KLF12: variants seen among roughly 807,000 people sequenced by gnomAD.
KLF12 encodes Krueppel-like factor 12.
Under a neutral mutation model 37.8 loss-of-function variants are expected in KLF12, and 9 were observed. That is an observed-to-expected ratio of 0.24 (90% CI 0.14 to 0.42). The LOEUF (loss-of-function observed/expected upper bound fraction) is 0.42. KLF12 is among the 10% of genes least tolerant of loss of function. The probability of loss-of-function intolerance (pLI) is 1.00; values close to 1 mark genes in which losing one functional copy is unlikely to be tolerated. For missense variants in KLF12, 411 were observed against 516.0 expected (o/e 0.80, Z 1.97); for synonymous variants, 208 against 202.1 (o/e 1.03, Z -0.25).
intron 3 of KLF12, among the ~76,000 whole-genome samples, chr13:73,923,711 TGA>T (rs1889232329): frequency 1.3e-5 from 2 of 152,208 alleles, no homozygotes; most frequent in South Asian, 4.1e-4. Context: ...CTGTTAAGCA[TGA>T]GAACCACCTG....
the KLF12 span, among the ~76,000 whole-genome samples, chr13:74,187,221 G>A: frequency 6.6e-6 from 1 of 152,130 alleles, no homozygotes; most frequent in African/African-American, 2.4e-5. Context: ...CCAAGTGGGA[G>A]GCAGAGGTGA....
At chr13:74,084,139 G>A (rs894290184) in intron 1 of KLF12, among the ~76,000 whole-genome samples, 3 of 152,144 alleles carry the variant, frequency 2.0e-5, no homozygotes, top group African/African-American at 7.2e-5. Flanking sequence ...TGGAGACTTG[G>A]ATATTACGTC....
intron 4 of KLF12, among the ~76,000 whole-genome samples, chr13:73,819,690 T>C (rs1434202422): frequency 1.3e-5 from 2 of 152,080 alleles, no homozygotes; most frequent in African/African-American, 4.8e-5. Flanking sequence ...GTAAGTGCCA[T>C]ATAGAAAAAT....
intron 1 of KLF12, among the ~76,000 whole-genome samples, chr13:74,037,511 G>C (rs1050298339): frequency 3.9e-5 from 6 of 152,162 alleles, no homozygotes; most frequent in African/African-American, 1.4e-4. Context: ...CATTGCGTAT[G>C]AGCCTGCAAA....
intron 5 of KLF12, among the ~76,000 whole-genome samples, chr13:73,767,367 A>T (rs79980703): frequency 0.035 from 5,281 of 152,324 alleles, 108 homozygotes; most frequent in Middle Eastern, 0.071. Flanking sequence ...GGAAGCTTGC[A>T]GGGAATGTTC....
At chr13:73,878,474 A>T (rs752902932) in intron 3 of KLF12, among the ~76,000 whole-genome samples, 1 of 152,182 alleles carries the variant, frequency 6.6e-6, no homozygotes, top group Non-Finnish European at 1.5e-5. Context: ...AGGAAGTACA[A>T]ACTTTCTATT....
intron 5 of KLF12, among the ~76,000 whole-genome samples, chr13:73,797,905 A>G (rs1319368033): frequency 6.6e-6 from 1 of 152,190 alleles, no homozygotes; most frequent in Admixed American, 6.5e-5. Flanking sequence ...AACTACTTCA[A>G]TAACTTCCGA....
intron 1 of KLF12, among the ~76,000 whole-genome samples, chr13:74,039,678 TA>T (rs2138530324): frequency 6.6e-6 from 1 of 152,314 alleles, no homozygotes; most frequent in African/African-American, 2.4e-5. Context: ...CTTCTGGAAA[TA>T]GGGGGAAATA....
rs1455959401 is a variant in KLF12, at chr13:73,738,114, T to TGTGTAC, written c.870-22590_870-22589insGTACAC. Among the ~76,000 whole-genome samples the TGTGTAC allele has an allele frequency of 4.9e-4, 34 of 69,170 alleles. 1 individual carries two copies. Among genetic ancestry groups the TGTGTAC allele is most frequent in the African/African-American group, 1.1e-3 (12 of 10,584 alleles). The allele number at this position is 69,170 out of a possible 152,430, so 45.4% of individuals were successfully genotyped here. A position where few individuals can be genotyped will look rare whatever the true frequency, so the allele number is the denominator to read the frequency against. On this transcript the variant is annotated intron_variant, in intron 6 of 7. Transcript: ENST00000377669. ...GTACATATATATATATATATATATATATATATATATACACACACACACATA... is the reference window on the plus strand; with the variant it reads ...GTACATATATATATATATATATATATGTGTACATATATATATACACACACACACATA...
intron 7 of KLF12, among the ~76,000 whole-genome samples, chr13:73,696,095 T>C (rs1473017373): frequency 7.0e-6 from 1 of 142,986 alleles, no homozygotes; most frequent in Non-Finnish European, 1.5e-5. Context: ...CTACCAACTG[T>C]GCATCACTTA....
the KLF12 span, among the ~76,000 whole-genome samples, chr13:74,139,882 A>T: frequency 6.6e-6 from 1 of 152,094 alleles, no homozygotes; most frequent in Admixed American, 6.6e-5. Context: ...TTTTAACTTT[A>T]CAAATGAAAA....
At chr13:73,718,612 G>C (rs1267906677) in intron 6 of KLF12, among the ~76,000 whole-genome samples, 1 of 152,214 alleles carries the variant, frequency 6.6e-6, no homozygotes, top group African/African-American at 2.4e-5. Flanking sequence ...ACAAAAATTA[G>C]CTGGACGTGG....
At chr13:74,068,117 G>T (rs1435395650) in intron 1 of KLF12, among the ~76,000 whole-genome samples, 1 of 152,070 alleles carries the variant, frequency 6.6e-6, no homozygotes, top group African/African-American at 2.4e-5. Context: ...TTAATAAGAG[G>T]TTTTTATCCT....
intron 3 of KLF12, among the ~76,000 whole-genome samples, chr13:73,868,886 C>T (rs528141960): frequency 2.6e-5 from 4 of 152,146 alleles, no homozygotes; most frequent in African/African-American, 4.8e-5. Flanking sequence ...AGCTGGCATA[C>T]TTGTTATCAA....
At chr13:74,158,201 C>T in the KLF12 span, among the ~76,000 whole-genome samples, 2 of 152,102 alleles carry the variant, frequency 1.3e-5, no homozygotes, top group African/African-American at 4.8e-5. Context: ...GTGAGGGCAG[C>T]GACCTGTGAA....
At chr13:73,789,222 G>C (rs1881520967) in intron 5 of KLF12, among the ~76,000 whole-genome samples, 1 of 152,152 alleles carries the variant, frequency 6.6e-6, no homozygotes, top group East Asian at 1.9e-4. Context: ...GCTGGACCAT[G>C]GTGATACTCT....
At chr13:73,953,766 T>C (rs758254162) in intron 2 of KLF12, among the ~76,000 whole-genome samples, 4 of 152,092 alleles carry the variant, frequency 2.6e-5, no homozygotes, top group Non-Finnish European at 4.4e-5. Context: ...AGCTCCTGCA[T>C]AGCCTGGAAA....
chr13:73,893,369 C>CA (rs1344408848), intron 3 of KLF12, among the ~76,000 whole-genome samples: 21 of 50,594 alleles, frequency 4.2e-4, no homozygotes, highest in African/African-American at 1.7e-3. Context: ...ACAATATTGA[C>CA]TTTTTTTTTT....
the KLF12 span, among the ~76,000 whole-genome samples, chr13:74,172,624 A>G: frequency 1.3e-5 from 2 of 152,122 alleles, no homozygotes; most frequent in African/African-American, 4.8e-5. Flanking sequence ...CTTTCTCTCC[A>G]TGAGTCTTTT....
Sources: gnomAD v4.1 joint callset for allele counts (sites outside exome capture counted in the v4.1 genomes callset) on GRCh38, gnomAD v4.1.1 for gene constraint, MANE v1.5 for transcripts, NCBI Gene and HGNC (gene_info 2026-07-23, HGNC 2026-07-21) for gene names.